USH2A: variants seen among roughly 807,000 people sequenced by gnomAD.
USH2A encodes Usher syndrome 2A (autosomal recessive, mild).
USH2A carries 443 observed loss-of-function variants against 538.9 expected under a neutral mutation model. The observed-to-expected ratio is 0.82, with a 90% confidence interval of 0.76 to 0.89. The LOEUF (loss-of-function observed/expected upper bound fraction) is 0.89, where lower values mean the gene tolerates loss of function less well. Ranked by LOEUF, USH2A falls within the 40% of genes least tolerant of loss-of-function variation. The pLI is 0.00. For missense variants in USH2A, 6,633 were observed against 6,324.8 expected (o/e 1.05, Z -1.65); for synonymous variants, 2,413 against 2,273.5 (o/e 1.06, Z -1.75).
intron 37 of USH2A, among the ~76,000 whole-genome samples, chr1:215,964,427 G>GT (rs989285747): frequency 1.3e-5 from 2 of 152,154 alleles, no homozygotes; most frequent in Non-Finnish European, 1.5e-5. Flanking sequence ...AGAAAAGCCT[G>GT]TTTTTTTCTT....
intron 12 of USH2A, among the ~76,000 whole-genome samples, chr1:216,249,338 T>C (rs2036113626): frequency 6.6e-6 from 1 of 152,092 alleles, no homozygotes; most frequent in African/African-American, 2.4e-5. Flanking sequence ...TAAATTAATT[T>C]TGATTTTTCC....
At chr1:215,845,303 A>G (rs1663809246) in intron 45 of USH2A, among the ~76,000 whole-genome samples, 1 of 152,118 alleles carries the variant, frequency 6.6e-6, no homozygotes, top group Non-Finnish European at 1.5e-5. Context: ...AGACTTTATA[A>G]AGCCAAAAAA....
chr1:216,256,380 T>G lies in USH2A; in HGVS notation c.1972-5282A>C, dbSNP rs148722220. Among the ~76,000 whole-genome samples, 258 of 151,544 alleles carry G rather than the reference T, an allele frequency of 1.7e-3. 1 individual carries two copies. The highest frequency in any genetic ancestry group is 2.7e-3 in the Non-Finnish European group (183 of 67,794). ...ATATTTCTTTATGATTCAAATTATC[T>G]CCATGTTGGTTTATTAGTTATAACT... On this transcript the variant is annotated intron_variant, in intron 11 of 71. Coordinates refer to ENST00000307340, the MANE Select transcript of USH2A (RefSeq NM_206933.4).
chr1:215,716,087 T>G (rs193127177), intron 61 of USH2A, among the ~76,000 whole-genome samples: 1 of 152,072 alleles, frequency 6.6e-6, no homozygotes, highest in African/African-American at 2.4e-5. Context: ...CCAGATGGTA[T>G]CTCTACAAAT....
intron 38 of USH2A, among the ~76,000 whole-genome samples, chr1:215,905,072 A>T (rs900700165): frequency 2.0e-5 from 3 of 152,088 alleles, no homozygotes; most frequent in Admixed American, 2.0e-4. Flanking sequence ...AAAAATATAA[A>T]ATGATTTATT....
At chr1:215,863,644 GAAGA>G (rs57678315) in intron 44 of USH2A, among the ~76,000 whole-genome samples, 4,725 of 151,496 alleles carry the variant, frequency 0.031, 135 homozygotes, top group South Asian at 0.097. Flanking sequence ...AGGAAAATAG[GAAGA>G]AAGAGAGAGA....
At chr1:215,629,997 G>C (rs948475610) in intron 70 of USH2A, 23 of 445,710 alleles carry the variant, frequency 5.2e-5, no homozygotes, top group African/African-American at 2.2e-4. Context: ...GGATGGTCTC[G>C]ATCTCCTGAC....
intron 3 of USH2A, among the ~76,000 whole-genome samples, chr1:216,405,823 A>G (rs57625706): frequency 0.13 from 19,436 of 152,298 alleles, 2,019 homozygotes; most frequent in African/African-American, 0.29. Context: ...TGGTACCCAC[A>G]TACCGTGGAA....
In USH2A at chr1:215,782,783, C is replaced by G. The variant is rs765656650; in HGVS notation, c.10540G>C (p.Glu3514Gln). Reference protein sequence around the residue: ...PPTWTKIDNLEDTIVLNWRKP... With the variant: ...PPTWTKIDNLQDTIVLNWRKP... ...CTCCAGTTTAAGACAATTGTATCTTCAAGATTGTCTATTTTGGTCCACGTA... is the reference window on the plus strand; with the variant it reads ...CTCCAGTTTAAGACAATTGTATCTTGAAGATTGTCTATTTTGGTCCACGTA... Residue 3514 changes from glutamate to glutamine, a missense_variant, in exon 53 of 72, where the codon GAA becomes CAA. Coordinates refer to ENST00000307340, the MANE Select transcript of USH2A (RefSeq NM_206933.4). 6.2e-7 allele frequency: 1 copy of G among 1,613,932 alleles called. No homozygotes were observed. Among genetic ancestry groups the G allele is most frequent in the South Asian group, 1.1e-5 (1 of 91,078 alleles).
At position 215,674,060 on chromosome 1, in the gene USH2A, C is replaced by A. The variant is rs771838039; in HGVS notation, c.13811+40G>T. 1.2e-5 allele frequency: 20 copies of A among 1,613,570 alleles called. No individual in the cohort carries two copies. In the South Asian group the frequency reaches 2.1e-4, roughly 17 times the overall value. ...AGGGCTCAGGCAATAGAAAGGTCAGCAGTGGCTTACTCTCAGAAAACCGAG... is the reference window on the plus strand; with the variant it reads ...AGGGCTCAGGCAATAGAAAGGTCAGAAGTGGCTTACTCTCAGAAAACCGAG... On this transcript the variant is annotated intron_variant, in intron 63 of 71. Transcript: ENST00000307340.
chr1:215,660,208 T>C (rs1042469347), intron 64 of USH2A, among the ~76,000 whole-genome samples: 2 of 152,230 alleles, frequency 1.3e-5, no homozygotes, highest in Non-Finnish European at 2.9e-5. Flanking sequence ...AATTTTTCAA[T>C]GCTTCATGTT....
intron 27 of USH2A, among the ~76,000 whole-genome samples, chr1:216,076,677 G>A (rs1334544819): frequency 6.6e-6 from 1 of 152,086 alleles, no homozygotes; most frequent in East Asian, 1.9e-4. Flanking sequence ...CCTTGAAAAT[G>A]TCATTACTGT....
At chr1:216,422,675 G>T in intron 1 of USH2A, 135 bp from the exon 2 acceptor site, 1 of 284,308 alleles carries the variant, frequency 3.5e-6, no homozygotes, top group Non-Finnish European at 6.8e-6. Context: ...GAAGCACAGT[G>T]CTCAGAGTAA....
intron 61 of USH2A, among the ~76,000 whole-genome samples, chr1:215,709,645 T>TAAAAAAAAAAAAAAAAAAAAAAAAA (rs5780846): frequency 7.9e-6 from 1 of 127,036 alleles, no homozygotes. Context: ...AGATAATTTG[T>TAAAAAAAAAAAAAAAAAAAAAAAAA]AAAAAAAAAA....
intron 41 of USH2A, among the ~76,000 whole-genome samples, chr1:215,881,642 CAAAAG>C (rs1176344263): frequency 6.6e-6 from 1 of 152,076 alleles, no homozygotes; most frequent in East Asian, 1.9e-4. Flanking sequence ...AAAATTCAGA[CAAAAG>C]AACATGTTAT....
intron 3 of USH2A, among the ~76,000 whole-genome samples, chr1:216,409,893 A>G (rs1229621007): frequency 6.6e-6 from 1 of 152,202 alleles, no homozygotes; most frequent in African/African-American, 2.4e-5. Context: ...GAGCTTCTGC[A>G]CAGCAAAACG....
chr1:215,978,186 T>C (rs1450019278), intron 35 of USH2A, among the ~76,000 whole-genome samples: 1 of 152,200 alleles, frequency 6.6e-6, no homozygotes, highest in Admixed American at 6.5e-5. Context: ...GGGTACATGC[T>C]TTTATGCATT....
At chr1:216,313,637 G>C (rs546343283) in intron 9 of USH2A, among the ~76,000 whole-genome samples, 3 of 151,880 alleles carry the variant, frequency 2.0e-5, no homozygotes, top group Non-Finnish European at 4.4e-5. Flanking sequence ...TTCACACCAG[G>C]CCTATTTTCT....
intron 11 of USH2A, among the ~76,000 whole-genome samples, chr1:216,254,456 C>T (rs772477011): frequency 3.9e-5 from 6 of 152,154 alleles, no homozygotes; most frequent in Admixed American, 2.0e-4. Flanking sequence ...GATCCTTCCA[C>T]AATAACTCTA....
Sources: allele counts gnomAD v4.1 joint callset (sites outside exome capture counted in the v4.1 genomes callset), GRCh38; gene constraint gnomAD v4.1.1; transcripts MANE v1.5; gene names NCBI Gene and HGNC (gene_info 2026-07-23, HGNC 2026-07-21).